EEFSEC: variants seen among roughly 807,000 people sequenced by gnomAD.
The protein encoded by EEFSEC is selenocysteine-specific elongation factor.
In EEFSEC, 43 loss-of-function variants were observed where a neutral mutation model predicts 42.1. The observed-to-expected ratio is 1.02, with a 90% CI of 0.80 to 1.32. The LOEUF is 1.32. EEFSEC is among the 40% of genes most tolerant of loss of function. The probability of loss-of-function intolerance (pLI) is 0.00; values close to 1 mark genes in which losing one functional copy is unlikely to be tolerated. For synonymous variants in EEFSEC, 354 were observed against 339.1 expected, an observed-to-expected ratio of 1.04 and a Z score of -0.48; for missense variants, 745 against 803.6, an observed-to-expected ratio of 0.93 and a Z score of 0.88.
intron 1 of EEFSEC, among the ~76,000 whole-genome samples, chr3:128,167,793 T>G (rs2107771188): frequency 6.6e-6 from 1 of 152,332 alleles, no homozygotes; most frequent in East Asian, 1.9e-4. Context: ...AGCTATAACA[T>G]AGATCCCTCC....
rs201911929 is a variant in EEFSEC, at chr3:128,295,451, CTTTTTTTTTTTTTT to C, written c.786+30680_786+30693del. On this transcript the variant is annotated intron_variant, in intron 4 of 6. Transcript: ENST00000254730. Reference sequence around the variant, plus strand: ...AGGCATTTTTCTGTACTTCCCCCTACTTTTTTTTTTTTTTTTTTTTTTTGCTGGCAAATATACAG... The same window carrying C: ...AGGCATTTTTCTGTACTTCCCCCTACTTTTTTTTTGCTGGCAAATATACAG... 1.9e-4 allele frequency among the ~76,000 whole-genome samples: 12 copies of C among 64,006 alleles called. No individual in the cohort carries two copies. In the South Asian group the frequency reaches 7.0e-3, roughly 37 times the overall value. 42.0% of individuals were successfully genotyped at this position (64,006 alleles called of 152,430 possible).
chr3:128,424,453 C>A, the EEFSEC span, among the ~76,000 whole-genome samples: 1 of 152,184 alleles, frequency 6.6e-6, no homozygotes, highest in African/African-American at 2.4e-5. Context: ...GTGATCATGG[C>A]TCACTGCAGC....
chr3:128,225,301 A>T (rs1442014215), intron 1 of EEFSEC, among the ~76,000 whole-genome samples: 2 of 152,178 alleles, frequency 1.3e-5, no homozygotes, highest in Non-Finnish European at 2.9e-5. Flanking sequence ...GCCCTGGGTC[A>T]GTGTCTTTTT....
At chr3:128,187,261 ATGTACTAAACAAGT>A (rs1206667791) in intron 1 of EEFSEC, among the ~76,000 whole-genome samples, 2 of 152,190 alleles carry the variant, frequency 1.3e-5, no homozygotes, top group Non-Finnish European at 2.9e-5. Flanking sequence ...CTGAGCCAAG[ATGTACTAAACAAGT>A]TCTTCTGTGG....
In EEFSEC at chr3:128,162,345, A is replaced by G. The variant is rs1377731005; in HGVS notation, c.316+8522A>G. Among the ~76,000 whole-genome samples, 3 of 152,214 alleles carry G rather than the reference A, an allele frequency of 2.0e-5. No individual in the cohort carries two copies. In the East Asian group the frequency reaches 5.8e-4, roughly 29 times the overall value. On this transcript the variant is annotated intron_variant, in intron 1 of 6. Transcript: ENST00000254730. ...GAGTTGCTTGCCTTCACTTGCTTCA[A>G]AGACTCTTATGTTCAATAGAGTCTG... is the stretch of plus-strand genomic sequence containing the variant.
chr3:128,269,662 G>A (rs148404206), intron 4 of EEFSEC, among the ~76,000 whole-genome samples: 2 of 152,316 alleles, frequency 1.3e-5, no homozygotes, highest in East Asian at 3.9e-4. Context: ...CCTGGCCCCC[G>A]TTTCTGTTGC....
At chr3:128,182,743 C>A (rs1576524954) in intron 1 of EEFSEC, among the ~76,000 whole-genome samples, 1 of 152,278 alleles carries the variant, frequency 6.6e-6, no homozygotes, top group East Asian at 1.9e-4. Flanking sequence ...CACACCCAGA[C>A]CTGTGCAGTA....
Position 128,317,347 on chromosome 3 carries a change from C to T in EEFSEC, c.787-23886C>T, listed in dbSNP as rs1033891076. Among the ~76,000 whole-genome samples the T allele has an allele frequency of 6.6e-6, 1 of 152,200 alleles. No homozygotes were observed. Among genetic ancestry groups the T allele is most frequent in the Non-Finnish European group, 1.5e-5 (1 of 68,030 alleles). ...AGACTTGTAAGCCTGGCCTGTTCTC[C>T]GCCCCGCTGCTGGAGCTCAGACGCT... On this transcript the variant is annotated intron_variant, in intron 4 of 6. Transcript: ENST00000254730. The surrounding 1 kb of genome is among the most constrained non-coding windows in gnomAD (Gnocchi z 4.1).
At chr3:128,331,771 A>G (rs11706304) in intron 4 of EEFSEC, among the ~76,000 whole-genome samples, 20,821 of 152,166 alleles carry the variant, frequency 0.14, 1,617 homozygotes, top group African/African-American at 0.21. Context: ...CTTATCTATT[A>G]GACTGCAAAA....
intron 1 of EEFSEC, among the ~76,000 whole-genome samples, chr3:128,222,006 C>A (rs1033433133): frequency 2.4e-5 from 3 of 123,072 alleles, no homozygotes; most frequent in Non-Finnish European, 5.3e-5. Context: ...TAGTTTTATT[C>A]TTCGTGTGTT....
chr3:128,316,649 G>T (rs1055176496), intron 4 of EEFSEC, among the ~76,000 whole-genome samples: 3 of 152,220 alleles, frequency 2.0e-5, no homozygotes, highest in Non-Finnish European at 4.4e-5. Context: ...AAGGGCACGT[G>T]GGGGATGAGG....
At chr3:128,419,955 G>GA in the EEFSEC span, among the ~76,000 whole-genome samples, 101 of 152,304 alleles carry the variant, frequency 6.6e-4, no homozygotes, top group African/African-American at 2.1e-3. Context: ...GCCGCAGCGG[G>GA]AGGGGGGACA....
At chr3:128,393,305 C>T (rs1174751097) in intron 6 of EEFSEC, among the ~76,000 whole-genome samples, 1 of 152,232 alleles carries the variant, frequency 6.6e-6, no homozygotes, top group Non-Finnish European at 1.5e-5. Context: ...CTGGCTGCTA[C>T]AGGGACAGAC....
At chr3:128,244,180 C>T (rs545324112) in intron 1 of EEFSEC, among the ~76,000 whole-genome samples, 32 of 152,308 alleles carry the variant, frequency 2.1e-4, no homozygotes, top group African/African-American at 7.0e-4. Context: ...CTCCTTGTTC[C>T]CTGCTGGGCT....
intron 4 of EEFSEC, among the ~76,000 whole-genome samples, chr3:128,328,925 C>A (rs1276516011): frequency 6.6e-6 from 1 of 152,146 alleles, no homozygotes. Flanking sequence ...CCACCTCAGT[C>A]CCTGGGATTT....
At chr3:128,365,071 C>T (rs1209195604) in intron 6 of EEFSEC, among the ~76,000 whole-genome samples, 2 of 152,344 alleles carry the variant, frequency 1.3e-5, no homozygotes, top group South Asian at 2.1e-4. Flanking sequence ...CAGCTGGTAG[C>T]CCGTGGCCCC....
At chr3:128,343,455 C>T (rs562053956) in intron 5 of EEFSEC, among the ~76,000 whole-genome samples, 19 of 152,268 alleles carry the variant, frequency 1.2e-4, no homozygotes, top group Admixed American at 7.8e-4. Flanking sequence ...ACCCTTAGCT[C>T]CGGGGGGGCC....
chr3:128,358,552 G>A (rs2067486827), intron 6 of EEFSEC, among the ~76,000 whole-genome samples, 179 bp downstream of exon 6: 1 of 152,212 alleles, frequency 6.6e-6, no homozygotes, highest in Non-Finnish European at 1.5e-5. Flanking sequence ...TATGGGTTCT[G>A]GGAAGAGCCT....
intron 4 of EEFSEC, among the ~76,000 whole-genome samples, chr3:128,302,778 A>C (rs2066784195): frequency 6.6e-6 from 1 of 152,202 alleles, no homozygotes; most frequent in Non-Finnish European, 1.5e-5. Context: ...TTTTATGCAT[A>C]TACTCACGTA....
Sources: allele counts gnomAD v4.1 joint callset (sites outside exome capture counted in the v4.1 genomes callset), GRCh38; gene constraint gnomAD v4.1.1; non-coding constraint Gnocchi (gnomAD v3.1); transcripts MANE v1.5; gene names NCBI Gene and HGNC (gene_info 2026-07-23, HGNC 2026-07-21).